ZNF638: variants seen among roughly 807,000 people sequenced by gnomAD.
ZNF638 encodes CTCL tumor antigen se33-1.
A neutral mutation model predicts 195.6 loss-of-function variants in ZNF638; 46 were observed. The ratio of observed to expected loss-of-function variants is 0.24; its 90% CI spans 0.19 to 0.30. The LOEUF (loss-of-function observed/expected upper bound fraction) is 0.30. Among genes scored for constraint, ZNF638 ranks in the 10% least tolerant of loss-of-function variants. ZNF638 has a pLI of 1.00. For missense variants in ZNF638, 2,440 were observed against 2,325.3 expected (o/e 1.05, Z -1.01); for synonymous variants, 845 against 772.0 (o/e 1.09, Z -1.57).
intron 1 of ZNF638, among the ~76,000 whole-genome samples, chr2:71,346,522 A>G (rs79314132): frequency 0.021 from 3,134 of 152,286 alleles, 44 homozygotes; most frequent in African/African-American, 0.041. Context: ...TAACCTGTGC[A>G]TGTTACTAAT....
rs79738958 is a variant in ZNF638 at position 71,387,623 on chromosome 2, A to G, written c.2377+7058A>G. Among the ~76,000 whole-genome samples, 24 of 151,474 alleles carry G rather than the reference A, an allele frequency of 1.6e-4. No homozygotes were observed. The East Asian group carries it at 4.7e-3, about 30-fold the overall frequency. On this transcript the variant is annotated intron_variant, in intron 10 of 27. Transcript: ENST00000264447. ...GAGGTGGAGGTTGTAATGAGCTGAG[A>G]TCATGCCACTCAGCCTGGGCAACAG...
chr2:71,351,005 C>T (rs959012468), intron 2 of ZNF638, among the ~76,000 whole-genome samples: 2 of 152,110 alleles, frequency 1.3e-5, no homozygotes, highest in East Asian at 1.9e-4. Context: ...ACTGTTCAGT[C>T]GTAATCATTG....
intron 10 of ZNF638, 172 bp downstream of exon 10, chr2:71,380,737 T>C (rs1008944483): frequency 1.5e-5 from 7 of 470,582 alleles, no homozygotes; most frequent in African/African-American, 1.0e-4. Flanking sequence ...GCTGTGTAAT[T>C]ACAGAATCAC....
intron 7 of ZNF638, 34 bp downstream of exon 7, chr2:71,368,562 A>C (rs1289687411): frequency 1.2e-6 from 2 of 1,605,940 alleles, no homozygotes; most frequent in South Asian, 2.2e-5. Flanking sequence ...AAATTCATAC[A>C]AAGTGATTGC....
chr2:71,385,551 G>A (rs7580557), intron 10 of ZNF638, among the ~76,000 whole-genome samples: 39,978 of 151,976 alleles, frequency 0.26, 6,933 homozygotes, highest in African/African-American at 0.49. Context: ...AGATCATTAT[G>A]AAGGAACCAT....
chr2:71,339,536 G>A (rs563273219), intron 1 of ZNF638, among the ~76,000 whole-genome samples: 3 of 152,296 alleles, frequency 2.0e-5, no homozygotes, highest in South Asian at 4.1e-4. Context: ...ATGAAGAAAA[G>A]CAAATAACCA....
At chr2:71,363,798 C>T (rs1052391719) in intron 4 of ZNF638, among the ~76,000 whole-genome samples, 156 bp from the exon 5 acceptor site, 2 of 152,174 alleles carry the variant, frequency 1.3e-5, no homozygotes, top group Non-Finnish European at 2.9e-5. Context: ...GGCTGAATTA[C>T]ATCATAACAA....
intron 10 of ZNF638, among the ~76,000 whole-genome samples, chr2:71,390,991 C>T (rs553194327): frequency 1.3e-5 from 2 of 152,340 alleles, no homozygotes; most frequent in East Asian, 3.9e-4. Context: ...TCCCCTACCC[C>T]TGACGTGGTT....
chr2:71,333,478 T>C lies in ZNF638; in HGVS notation c.-203+1603T>C, dbSNP rs79525706. Among the ~76,000 whole-genome samples, 951 of 152,314 alleles carry C rather than the reference T, an allele frequency of 6.2e-3. 14 individuals carry two copies. The highest frequency in any genetic ancestry group is 0.022 in the African/African-American group (902 of 41,560). The stretch of plus-strand genomic sequence containing the variant: ...TTTGTAATCCTTTTTTGCATTTTGT[T>C]TTGGAGGGTGTATACGGCAGGTACT... On this transcript the variant is annotated intron_variant, in intron 1 of 27. Transcript: ENST00000264447.
intron 1 of ZNF638, among the ~76,000 whole-genome samples, chr2:71,347,064 C>CTCT (rs1026124879): frequency 2.0e-5 from 3 of 152,004 alleles, no homozygotes; most frequent in Non-Finnish European, 2.9e-5. Context: ...GGAAGACTCA[C>CTCT]TCTTGGCATT....
At chr2:71,399,063 C>T (rs567450861) in intron 12 of ZNF638, among the ~76,000 whole-genome samples, 4 of 152,192 alleles carry the variant, frequency 2.6e-5, no homozygotes, top group South Asian at 2.1e-4. Flanking sequence ...TTGTTTCCTT[C>T]GCTTTTTTTA....
Position 71,349,623 on chromosome 2 carries a change from A to G in ZNF638, c.669A>G (p.Pro223=). 1.2e-6 allele frequency: 2 copies of G among 1,614,228 alleles called. No homozygotes were observed. Among genetic ancestry groups the G allele is most frequent in the Middle Eastern group, 1.6e-4 (1 of 6,062 alleles). Residue 223 remains proline, a synonymous_variant, in exon 2 of 28, where the codon CCA becomes CCG. Transcript: ENST00000264447. ...HASKYGYTED[P]LEVRIYDPEI... ...GCAAATATGGCTACACAGAAGATCC[A>G]CTTGAAGTACGTATTTATGATCCTG... is the stretch of plus-strand genomic sequence containing the variant.
Position 71,418,655 on chromosome 2 carries a change from T to C in ZNF638, c.3299+16T>C, listed in dbSNP as rs755760918. The C allele has an allele frequency of 1.9e-6, 3 of 1,541,998 alleles. No homozygotes were observed. In the South Asian group the frequency reaches 3.8e-5, roughly 19 times the overall value. On this transcript the variant is annotated intron_variant, in intron 21 of 27. Transcript: ENST00000264447. The stretch of plus-strand genomic sequence containing the variant: ...AAAAAGAAAGGTATGTTGCTTTATG[T>C]TTACTAACACTTTTGTATAGTATTT...
chr2:71,350,482 C>T (rs558730110), intron 2 of ZNF638, among the ~76,000 whole-genome samples: 1 of 152,282 alleles, frequency 6.6e-6, no homozygotes, highest in East Asian at 1.9e-4. Flanking sequence ...TGACCGGGCA[C>T]ACCATATTTT....
At chr2:71,334,864 T>G (rs2078636632) in intron 1 of ZNF638, among the ~76,000 whole-genome samples, 1 of 150,736 alleles carries the variant, frequency 6.6e-6, no homozygotes, top group Non-Finnish European at 1.5e-5. Flanking sequence ...GAGGTTGCAG[T>G]GAGCCGAGAT....
intron 10 of ZNF638, among the ~76,000 whole-genome samples, chr2:71,382,089 T>A (rs902416012): frequency 2.6e-5 from 4 of 152,138 alleles, no homozygotes; most frequent in African/African-American, 9.6e-5. Context: ...AAAAATTTTT[T>A]AAATAATTAT....
At chr2:71,397,688 C>T (rs1041558899) in intron 11 of ZNF638, among the ~76,000 whole-genome samples, 7 of 152,152 alleles carry the variant, frequency 4.6e-5, no homozygotes, top group South Asian at 2.1e-4. Flanking sequence ...CATCCATTCT[C>T]GCTAGTTGTT....
At chr2:71,396,833 G>GCTA (rs972398261) in intron 11 of ZNF638, among the ~76,000 whole-genome samples, 1 of 152,162 alleles carries the variant, frequency 6.6e-6, no homozygotes, top group African/African-American at 2.4e-5. Flanking sequence ...TGTAATCTCA[G>GCTA]CTACTGGGAA....
rs985149699 is a variant in ZNF638 at position 71,338,932 on chromosome 2, T to A, written c.-203+7057T>A. The stretch of plus-strand genomic sequence containing the variant: ...TGCTCCTTGAAATAACATTACCATA[T>A]CCCTTCAATCCTTTCTATCCATTAC... On this transcript the variant is annotated intron_variant, in intron 1 of 27. Transcript: ENST00000264447. 1.5e-4 allele frequency among the ~76,000 whole-genome samples: 23 copies of A among 152,196 alleles called. 1 individual carries two copies. Among genetic ancestry groups the A allele is most frequent in the African/African-American group, 2.4e-5 (1 of 41,454 alleles).
Sources: gnomAD v4.1 joint callset for allele counts (sites outside exome capture counted in the v4.1 genomes callset) on GRCh38, gnomAD v4.1.1 for gene constraint, MANE v1.5 for transcripts, NCBI Gene and HGNC (gene_info 2026-07-23, HGNC 2026-07-21) for gene names.